Variants in CHD4 observed in about 807,000 individuals in gnomAD.
The protein encoded by CHD4 is chromodomain helicase DNA binding protein 4.
Under a neutral mutation model 235.5 loss-of-function variants are expected in CHD4, and 35 were observed. That is an observed-to-expected ratio of 0.15 (90% CI 0.11 to 0.20). CHD4 has a LOEUF of 0.20. Among genes scored for constraint, CHD4 ranks in the 10% least tolerant of loss-of-function variants. The probability of loss-of-function intolerance (pLI) is 1.00; values close to 1 mark genes in which losing one functional copy is unlikely to be tolerated. For missense variants in CHD4, 1,329 were observed against 2,432.3 expected, an observed-to-expected ratio of 0.55 and a Z score of 9.54; for synonymous variants, 900 against 850.2, an observed-to-expected ratio of 1.06 and a Z score of -1.02.
At chr12:6,605,925 C>T (rs568337439) in intron 2 of CHD4, among the ~76,000 whole-genome samples, 1 of 152,328 alleles carries the variant, frequency 6.6e-6, no homozygotes, top group African/African-American at 2.4e-5. Flanking sequence ...TCAACGCCCC[C>T]CTCCACCACC....
chr12:6,578,518 T>C lies in CHD4; in HGVS notation c.5010A>G (p.Lys1670=), dbSNP rs1382471052. The part of the protein sequence containing the change: ...KEEKKEEEEK[K]EVMLQNGETP... Reference sequence around the variant, plus strand: ...TCTCTCCATTCTGAAGCATCACCTCTTTTTTCTCTTCTTCTTCTTTCTTCT... The same window carrying C: ...TCTCTCCATTCTGAAGCATCACCTCCTTTTTCTCTTCTTCTTCTTTCTTCT... The change falls in exon 35 of 40, where the codon AAA becomes AAG. Residue 1670 remains lysine (K), a synonymous_variant. Coordinates refer to ENST00000544040, the MANE Select transcript of CHD4 (RefSeq NM_001273.5). 3 of 1,611,886 alleles carry C rather than the reference T, an allele frequency of 1.9e-6. No individual in the cohort carries two copies. The highest frequency in any genetic ancestry group is 1.7e-4 in the Middle Eastern group (1 of 6,054).
At position 6,599,999 on chromosome 12, in the gene CHD4, A is replaced by G. The variant is rs760521781; in HGVS notation, c.1256T>C (p.Ile419Thr). The G allele has an allele frequency of 6.2e-7, 1 of 1,614,036 alleles. No individual in the cohort carries two copies. The highest frequency in any genetic ancestry group is 1.7e-5 in the Admixed American group (1 of 59,996). Residue 419 changes from isoleucine (I) to threonine (T), a missense_variant, in exon 10 of 40, where the codon ATC becomes ACC. Ile to Thr is a moderately conservative substitution (Grantham distance 89, BLOSUM62 -1). This residue lies in a region of CHD4 where 37 missense variants were observed against 49.9 expected (regional missense o/e 0.74). Transcript: ENST00000544040. ...ATTGTCCTCTTTAGCTTCCCACTGG[A>G]TGCCTTCCTTCTCCTGCAGTAAAGG... Reference protein sequence around the residue: ...WSCPHCEKEGIQWEAKEDNSE... With the variant: ...WSCPHCEKEGTQWEAKEDNSE...
At chr12:6,605,501 G>A (rs943689306) in intron 2 of CHD4, among the ~76,000 whole-genome samples, 6 of 152,016 alleles carry the variant, frequency 3.9e-5, no homozygotes, top group Non-Finnish European at 8.8e-5. Context: ...CACAGATAGC[G>A]TAACCCCTAG....
At chr12:6,581,581 C>T in intron 31 of CHD4, 68 bp downstream of exon 31, 1 of 1,607,248 alleles carries the variant, frequency 6.2e-7, no homozygotes, top group South Asian at 1.1e-5. Flanking sequence ...GAACTGAGCA[C>T]AGGGGAGCAG....
rs374889109 is a variant in CHD4 at position 6,596,725 on chromosome 12, G to A, written c.1893-588C>T. On this transcript the variant is annotated intron_variant, in intron 12 of 39. Coordinates refer to ENST00000544040, the MANE Select transcript of CHD4 (RefSeq NM_001273.5). ...TGAAGCAGGAGAATTGCTTGAACCC[G>A]GGCGGCGGAGGTTGCAGCAAGCTGA... is the stretch of plus-strand genomic sequence containing the variant. Among the ~76,000 whole-genome samples the A allele has an allele frequency of 2.8e-3, 419 of 151,948 alleles. 5 individuals carry two copies. The highest frequency in any genetic ancestry group is 1.9e-3 in the Non-Finnish European group (126 of 67,950).
At chr12:6,587,182 TTG>T in intron 25 of CHD4, 200 bp downstream of exon 25, 1 of 577,788 alleles carries the variant, frequency 1.7e-6, no homozygotes, top group Non-Finnish European at 3.0e-6. Flanking sequence ...TGATATTTGG[TTG>T]TAAGTTTTCT....
intron 31 of CHD4, 125 bp from the exon 32 acceptor site, chr12:6,581,513 G>A: frequency 5.3e-6 from 8 of 1,519,294 alleles, no homozygotes; most frequent in Non-Finnish European, 5.5e-6. Context: ...CCTATTCTTA[G>A]GACGGCCCTC....
chr12:6,580,055 C>CA (rs766330469), intron 33 of CHD4, among the ~76,000 whole-genome samples: 1,515 of 68,522 alleles, frequency 0.022, 22 homozygotes, highest in Non-Finnish European at 0.034. Context: ...GACTCCGTCT[C>CA]AAAAAAAAAA....
intron 22 of CHD4, 24 bp from the exon 23 acceptor site, chr12:6,588,446 A>AT: frequency 6.2e-7 from 1 of 1,608,790 alleles, no homozygotes. Flanking sequence ...CAAAAACACC[A>AT]TTAGAAGTGT....
rs919543181 is a variant in CHD4, at chr12:6,593,398, T to C, written c.2514+18A>G. The C allele has an allele frequency of 1.2e-6, 2 of 1,612,318 alleles. No homozygotes were observed. The highest frequency in any genetic ancestry group is 1.3e-5 in the African/African-American group (1 of 75,004). On this transcript the variant is annotated intron_variant, in intron 16 of 39. Coordinates refer to ENST00000544040, the MANE Select transcript of CHD4 (RefSeq NM_001273.5). The surrounding 1 kb of genome is among the most constrained non-coding windows in gnomAD (Gnocchi z 4.9). Reference sequence around the variant, plus strand: ...GCCACAACTCTTTCTCTAGGGTGGCTTCCCTCCCCTGAGATACCTTCATGC... The same window carrying C: ...GCCACAACTCTTTCTCTAGGGTGGCCTCCCTCCCCTGAGATACCTTCATGC...
chr12:6,592,234 A>C (rs1365527512), intron 19 of CHD4, among the ~76,000 whole-genome samples, 159 bp downstream of exon 19: 19 of 152,080 alleles, frequency 1.2e-4, no homozygotes, highest in Admixed American at 1.2e-3. Context: ...ACCTAAAATA[A>C]GTAAGAACTA....
At chr12:6,573,616 T>C (rs550026026) in intron 37 of CHD4, among the ~76,000 whole-genome samples, 1 of 152,330 alleles carries the variant, frequency 6.6e-6, no homozygotes, top group East Asian at 1.9e-4. Context: ...TTTTTGTGCA[T>C]AGTTTTTTAC....
At chr12:6,577,452 CACTG>C (rs1416900770) in intron 37 of CHD4, among the ~76,000 whole-genome samples, 9 of 151,722 alleles carry the variant, frequency 5.9e-5, no homozygotes, top group African/African-American at 1.7e-4. Flanking sequence ...ACCAGCAGCC[CACTG>C]ACTAATAGCT....
Position 6,601,976 on chromosome 12 carries a change from T to C in CHD4, c.422A>G (p.Asp141Gly), listed in dbSNP as rs1432897757. 1 of 1,596,014 alleles carries C rather than the reference T, an allele frequency of 6.3e-7. No homozygotes were observed. The highest frequency in any genetic ancestry group is 1.7e-5 in the Admixed American group (1 of 59,824). ...TCCAGGCACCTTTGAATCATCATCA[T>C]CATCCTCCTCCTCCTCCTCCTCCTT... ...KRKEEEEEED[D>G]DDDSKEPKSS... Residue 141 changes from aspartate to glycine, a missense_variant, in exon 4 of 40, where the codon GAT becomes GGT. Around this residue, in one of 26 missense-constraint regions of CHD4, gnomAD observed 213 missense variants for 177.5 expected, o/e 1.20. Transcript: ENST00000544040.
chr12:6,579,803 T>C lies in CHD4; in HGVS notation c.4910-886A>G, dbSNP rs1326334938. 3.5e-5 allele frequency among the ~76,000 whole-genome samples: 5 copies of C among 144,856 alleles called. No individual in the cohort carries two copies. In the Admixed American group the frequency reaches 3.5e-4, roughly 10 times the overall value. ...CAGGCGTGGTGGCTCACGCCTGTAA[T>C]CCCCGCACTTTGGGAGGCCAAAGCG... is the stretch of plus-strand genomic sequence containing the variant. On this transcript the variant is annotated intron_variant, in intron 33 of 39. Transcript: ENST00000544040.
In CHD4 at chr12:6,581,649, C is replaced by T; in HGVS notation, c.4681G>A (p.Glu1561Lys). 1 of 1,613,742 alleles carries T rather than the reference C, an allele frequency of 6.2e-7. No homozygotes were observed. Among genetic ancestry groups the T allele is most frequent in the Non-Finnish European group, 8.5e-7 (1 of 1,179,728 alleles). The change falls in exon 31 of 40, where the codon GAA (glutamate) becomes AAA (lysine). Residue 1561 changes from glutamate to lysine, a missense_variant and splice_region_variant. Transcript: ENST00000544040. ...PNTPAPVPPAEDGIKIEENSL... is the reference protein window; with the variant it reads ...PNTPAPVPPAKDGIKIEENSL... ...AAAATGATAGGACAGGCAGACTTAC[C>T]AGCAGGTGGGACAGGTGCAGGAGTG...
At chr12:6,596,197 T>C in intron 12 of CHD4, 60 bp from the exon 13 acceptor site, 1 of 1,596,702 alleles carries the variant, frequency 6.3e-7, no homozygotes, top group South Asian at 1.1e-5. Context: ...TCACTTCCTC[T>C]CAAAAACTGG....
intron 25 of CHD4, 127 bp from the exon 26 acceptor site, chr12:6,583,505 G>A (rs1360069122): frequency 1.3e-6 from 1 of 782,512 alleles, no homozygotes; most frequent in Non-Finnish European, 2.0e-6. Flanking sequence ...TGGTGTGCCT[G>A]TTTGGACCTA....
chr12:6,594,777 G>A, intron 14 of CHD4, 127 bp from the exon 15 acceptor site: 1 of 793,064 alleles, frequency 1.3e-6, no homozygotes, highest in East Asian at 2.7e-5. Context: ...AATTCGGAGG[G>A]AAGAGATCCC....
Sources: allele counts gnomAD v4.1 joint callset (sites outside exome capture counted in the v4.1 genomes callset), GRCh38; gene constraint gnomAD v4.1.1; regional missense constraint gnomAD v4.1.1; non-coding constraint Gnocchi (gnomAD v3.1); transcripts MANE v1.5; gene names NCBI Gene and HGNC (gene_info 2026-07-23, HGNC 2026-07-21).